Variants in CXCR4 observed in about 807,000 individuals in gnomAD.
CXCR4 encodes C-X-C motif chemokine receptor 4.
Under a neutral mutation model 22.4 loss-of-function variants are expected in CXCR4, and 6 were observed. The ratio of observed to expected loss-of-function variants is 0.27; its 90% CI spans 0.15 to 0.53. The LOEUF (loss-of-function observed/expected upper bound fraction) is 0.53. Among genes scored for constraint, CXCR4 ranks in the 20% least tolerant of loss-of-function variants. CXCR4 has a pLI of 0.96. For missense variants in CXCR4, 300 were observed against 430.4 expected (o/e 0.70, Z 2.68); for synonymous variants, 155 against 171.7 (o/e 0.90, Z 0.76).
Position 136,115,400 on chromosome 2 carries a change from G to A in CXCR4, c.528C>T (p.Asn176=), listed in dbSNP as rs113338664. ...LLTIPDFIFA[N]VSEADDRYIC... Reference sequence around the variant, plus strand: ...TATATCTGTCATCTGCCTCACTGACGTTGGCAAAGATGAAGTCGGGAATAG... The same window carrying A: ...TATATCTGTCATCTGCCTCACTGACATTGGCAAAGATGAAGTCGGGAATAG... The change falls in exon 2 of 2, where the codon AAC becomes AAT. Residue 176 remains asparagine, a synonymous_variant. Coordinates refer to ENST00000241393, the MANE Select transcript of CXCR4 (RefSeq NM_003467.3). This position sits in a 1 kb window ranked among gnomAD's most constrained non-coding sequence, Gnocchi z 6.4. The A allele has an allele frequency of 1.2e-5, 20 of 1,614,192 alleles. No homozygotes were observed. Among genetic ancestry groups the A allele is most frequent in the African/African-American group, 9.3e-5 (7 of 75,044 alleles).
chr2:136,115,336 C>CA lies in CXCR4; in HGVS notation c.591dup (p.Val198CysfsTer78). 1 of 1,614,198 alleles carries CA rather than the reference C, an allele frequency of 6.2e-7. No homozygotes were observed. The highest frequency in any genetic ancestry group is 8.5e-7 in the Non-Finnish European group (1 of 1,180,042). ...ACCATGATGTGCTGAAACTGGAACA[C>CA]AACCACCCACAAGTCATTGGGGTAG... On this transcript the variant is annotated frameshift_variant, in exon 2 of 2. Coordinates refer to ENST00000241393, the MANE Select transcript of CXCR4 (RefSeq NM_003467.3). LOFTEE classifies it high-confidence loss of function. This position sits in a 1 kb window ranked among gnomAD's most constrained non-coding sequence, Gnocchi z 6.4.
chr2:136,117,037 C>G (rs933784045), intron 1 of CXCR4, among the ~76,000 whole-genome samples: 1 of 152,342 alleles, frequency 6.6e-6, no homozygotes, highest in East Asian at 1.9e-4. Context: ...AACTCCCTAG[C>G]AAGAGGGTTT....
Position 136,114,712 on chromosome 2 carries a change from A to G in CXCR4, c.*157T>C. 1.5e-6 allele frequency: 1 copy of G among 674,526 alleles called. No homozygotes were observed. The allele number at this position is 674,526 out of a possible 1,614,324, so 41.8% of individuals were successfully genotyped here. On this transcript the variant is annotated 3_prime_UTR_variant, in exon 2 of 2. Transcript: ENST00000241393. ...TATGAAACAAAAAAAATTTATATAA[A>G]TAAGTCAATTAAACTTCACAAAAAC... is the stretch of plus-strand genomic sequence containing the variant.
intron 1 of CXCR4, among the ~76,000 whole-genome samples, chr2:136,116,677 C>A (rs1029588088): frequency 6.6e-6 from 1 of 152,176 alleles, no homozygotes; most frequent in Non-Finnish European, 1.5e-5. Context: ...CGTTAGGGAG[C>A]GGGGCATTTT....
intron 1 of CXCR4, 177 bp downstream of exon 1, chr2:136,117,869 T>TCTGCCC: frequency 5.9e-6 from 1 of 170,812 alleles, no homozygotes; most frequent in South Asian, 7.0e-5. Context: ...CCAATCCTGC[T>TCTGCCC]CCCCCCCCAC....
chr2:136,116,000 A>G lies in CXCR4; in HGVS notation c.16-88T>C. ...AAAAATTTTTAAAGCAATTTAAAAAACCAATTCAGGCTTGCTTTCTTCAGG... is the reference window on the plus strand; with the variant it reads ...AAAAATTTTTAAAGCAATTTAAAAAGCCAATTCAGGCTTGCTTTCTTCAGG... On this transcript the variant is annotated intron_variant, in intron 1 of 1. Coordinates refer to ENST00000241393, the MANE Select transcript of CXCR4 (RefSeq NM_003467.3). This position sits in a 1 kb window ranked among gnomAD's most constrained non-coding sequence, Gnocchi z 6.4. 2 of 1,606,706 alleles carry G rather than the reference A, an allele frequency of 1.2e-6. No homozygotes were observed. Among genetic ancestry groups the G allele is most frequent in the Non-Finnish European group, 1.7e-6 (2 of 1,176,664 alleles).
chr2:136,117,897 G>A (rs925113836), intron 1 of CXCR4, 149 bp downstream of exon 1: 3 of 340,024 alleles, frequency 8.8e-6, no homozygotes, highest in East Asian at 1.0e-4. Context: ...CACTATATAG[G>A]CATGGTCAAG....
chr2:136,117,682 C>T, intron 1 of CXCR4: 1 of 216,266 alleles, frequency 4.6e-6, no homozygotes, highest in Non-Finnish European at 9.3e-6. Context: ...AGGAAGAGAC[C>T]GGTGGTCTGA....
chr2:136,114,771 TA>T lies in CXCR4; in HGVS notation c.*97del. The T allele has an allele frequency of 9.2e-7, 1 of 1,086,842 alleles. No homozygotes were observed. Among genetic ancestry groups the T allele is most frequent in the Non-Finnish European group, 1.3e-6 (1 of 751,996 alleles). 67.3% of individuals were successfully genotyped at this position (1,086,842 alleles called of 1,614,324 possible). A position where few individuals can be genotyped will look rare whatever the true frequency, so the allele number is the denominator to read the frequency against. ...CACAAGACAAAAATCCAACAAGCAA[TA>T]AAAACTGTACAATATTGGTCAGTCT... On this transcript the variant is annotated 3_prime_UTR_variant, in exon 2 of 2. Coordinates refer to ENST00000241393, the MANE Select transcript of CXCR4 (RefSeq NM_003467.3).
Position 136,118,136 on chromosome 2 carries a change from G to T in CXCR4, c.-76C>A. 2 of 1,489,060 alleles carry T rather than the reference G, an allele frequency of 1.3e-6. No individual in the cohort carries two copies. Among genetic ancestry groups the T allele is most frequent in the Non-Finnish European group, 9.3e-7 (1 of 1,072,334 alleles). The allele number at this position is 1,489,060 out of a possible 1,614,324, so 92.2% of individuals were successfully genotyped here. A position where few individuals can be genotyped will look rare whatever the true frequency, so the allele number is the denominator to read the frequency against. ...CGGCGTCACTTTGCTACCTGCTGCC[G>T]CAGCCAACAAACTGAAGTTTCTGGC... On this transcript the variant is annotated 5_prime_UTR_variant, in exon 1 of 2. Transcript: ENST00000241393.
chr2:136,117,939 A>T (rs927969927), intron 1 of CXCR4, 107 bp downstream of exon 1: 31 of 817,938 alleles, frequency 3.8e-5, no homozygotes, highest in Admixed American at 3.3e-4. Context: ...TTTTTGGAGT[A>T]CGGGTACCTC....
chr2:136,118,107 C>A lies in CXCR4; in HGVS notation c.-47G>T. On this transcript the variant is annotated 5_prime_UTR_variant, in exon 1 of 2. Transcript: ENST00000241393. ...TGCGGTGGCTACTGGAGCACTCAGG[C>A]CCTCGGCGTCACTTTGCTACCTGCT... 2 of 1,605,838 alleles carry A rather than the reference C, an allele frequency of 1.2e-6. No homozygotes were observed. The highest frequency in any genetic ancestry group is 1.7e-6 in the Non-Finnish European group (2 of 1,173,632).
At position 136,115,458 on chromosome 2, in the gene CXCR4, T is replaced by C. The variant is rs976327833; in HGVS notation, c.470A>G (p.Tyr157Cys). The change falls in exon 2 of 2, where the codon TAT (tyrosine) becomes TGT (cysteine). Residue 157 changes from tyrosine (Y) to cysteine (C), a missense_variant. By Grantham distance (194) the Tyr-to-Cys change is radical (BLOSUM62 -2). Coordinates refer to ENST00000241393, the MANE Select transcript of CXCR4 (RefSeq NM_003467.3). The surrounding 1 kb of genome is among the most constrained non-coding windows in gnomAD (Gnocchi z 6.4). ...PRKLLAEKVVYVGVWIPALLL... is the reference protein window; with the variant it reads ...PRKLLAEKVVCVGVWIPALLL... ...GAGGGCAGGGATCCAGACGCCAACA[T>C]AGACCACCTTTTCAGCCAACAGCTT... The C allele has an allele frequency of 5.6e-6, 9 of 1,614,090 alleles. No homozygotes were observed. Among genetic ancestry groups the C allele is most frequent in the African/African-American group, 1.3e-5 (1 of 74,930 alleles).
At chr2:136,117,255 G>A (rs1468900750) in intron 1 of CXCR4, among the ~76,000 whole-genome samples, 1 of 152,134 alleles carries the variant, frequency 6.6e-6, no homozygotes, top group Admixed American at 6.5e-5. Context: ...TGTCAAAGGG[G>A]AGGTCAAACC....
chr2:136,115,542 A>T lies in CXCR4; in HGVS notation c.386T>A (p.Phe129Tyr). Residue 129 changes from phenylalanine to tyrosine, a missense_variant, in exon 2 of 2, where the codon TTC becomes TAC. Phe to Tyr is a conservative substitution (Grantham distance 22). Around this residue, in one of 3 missense-constraint regions of CXCR4, gnomAD observed 118 missense variants for 188.2 expected, o/e 0.63. Coordinates refer to ENST00000241393, the MANE Select transcript of CXCR4 (RefSeq NM_003467.3). The surrounding 1 kb of genome is among the most constrained non-coding windows in gnomAD (Gnocchi z 6.4). ...GGCCAGGTAGCGGTCCAGACTGATG[A>T]AGGCCAGGATGAGGACACTGCTGTA... ...NLYSSVLILA[F>Y]ISLDRYLAIV... The T allele has an allele frequency of 6.2e-7, 1 of 1,614,168 alleles. No homozygotes were observed. Among genetic ancestry groups the T allele is most frequent in the Non-Finnish European group, 8.5e-7 (1 of 1,180,028 alleles).
In CXCR4 at chr2:136,115,777, T is replaced by G; in HGVS notation, c.151A>C (p.Thr51Pro). ...ACCAATCCATTGCCCACAATGCCAG[T>G]TAAGAAGATGATGGAGTAGATGGTG... The part of the protein sequence containing the change: ...LPTIYSIIFL[T>P]GIVGNGLVIL... Residue 51 changes from threonine to proline, a missense_variant, in exon 2 of 2, where the codon ACT becomes CCT. By Grantham distance (38) the Thr-to-Pro change is conservative. Around this residue, in one of 3 missense-constraint regions of CXCR4, gnomAD observed 118 missense variants for 188.2 expected, o/e 0.63. Coordinates refer to ENST00000241393, the MANE Select transcript of CXCR4 (RefSeq NM_003467.3). This position sits in a 1 kb window ranked among gnomAD's most constrained non-coding sequence, Gnocchi z 6.4. 1 of 1,614,178 alleles carries G rather than the reference T, an allele frequency of 6.2e-7. No homozygotes were observed. Among genetic ancestry groups the G allele is most frequent in the Non-Finnish European group, 8.5e-7 (1 of 1,180,028 alleles).
chr2:136,116,065 T>C (rs1684881165), intron 1 of CXCR4, 153 bp from the exon 2 acceptor site: 3 of 1,540,358 alleles, frequency 1.9e-6, no homozygotes, highest in African/African-American at 2.8e-5. Flanking sequence ...AGAGAATTAA[T>C]GTAGAATCCT....
rs1268474896 is a variant in CXCR4, at chr2:136,115,803, G to C, written c.125C>G (p.Pro42Arg). 1 of 1,614,142 alleles carries C rather than the reference G, an allele frequency of 6.2e-7. No homozygotes were observed. Among genetic ancestry groups the C allele is most frequent in the Non-Finnish European group, 8.5e-7 (1 of 1,180,024 alleles). Residue 42 changes from proline (P) to arginine (R), a missense_variant, in exon 2 of 2, where the codon CCC (proline) becomes CGC (arginine). Physicochemically the swap from Pro to Arg is moderately radical, Grantham distance 103 (BLOSUM62 -2). Coordinates refer to ENST00000241393, the MANE Select transcript of CXCR4 (RefSeq NM_003467.3). This position sits in a 1 kb window ranked among gnomAD's most constrained non-coding sequence, Gnocchi z 6.4. ...TAAGAAGATGATGGAGTAGATGGTG[G>C]GCAGGAAGATTTTATTGAAATTAGC... ...ENANFNKIFL[P>R]TIYSIIFLTG...
In CXCR4 at chr2:136,114,696, A is replaced by T; in HGVS notation, c.*173T>A. On this transcript the variant is annotated 3_prime_UTR_variant, in exon 2 of 2. Transcript: ENST00000241393. ...CCTAGACACACATCAATATGAAACAAAAAAAATTTATATAAATAAGTCAAT... is the reference window on the plus strand; with the variant it reads ...CCTAGACACACATCAATATGAAACATAAAAAATTTATATAAATAAGTCAAT... The T allele has an allele frequency of 1.6e-6, 1 of 606,418 alleles. No homozygotes were observed. Among genetic ancestry groups the T allele is most frequent in the Non-Finnish European group, 2.7e-6 (1 of 369,584 alleles). The allele number at this position is 606,418 out of a possible 1,614,324, so 37.6% of individuals were successfully genotyped here. A position where few individuals can be genotyped will look rare whatever the true frequency, so the allele number is the denominator to read the frequency against.
Sources: gnomAD v4.1 joint callset for allele counts (sites outside exome capture counted in the v4.1 genomes callset) on GRCh38, gnomAD v4.1.1 for gene constraint, gnomAD v4.1.1 regional missense constraint, Gnocchi (gnomAD v3.1) non-coding constraint, MANE v1.5 for transcripts, NCBI Gene and HGNC (gene_info 2026-07-23, HGNC 2026-07-21) for gene names.